FLNB: variants seen among roughly 807,000 people sequenced by gnomAD.
FLNB encodes filamin-B.
In FLNB, 111 loss-of-function variants were observed where a neutral mutation model predicts 250.6. The observed-to-expected ratio is 0.44, with a 90% CI of 0.38 to 0.52. The LOEUF is 0.52. FLNB is among the 20% of genes least tolerant of loss of function. FLNB has a pLI of 0.00. For missense variants in FLNB, 2,869 were observed against 3,447.8 expected, an observed-to-expected ratio of 0.83 and a Z score of 4.20; for synonymous variants, 1,302 against 1,372.1, an observed-to-expected ratio of 0.95 and a Z score of 1.13.
intron 20 of FLNB, 76 bp from the exon 21 acceptor site, chr3:58,123,017 T>C (rs2097291687): frequency 2.3e-6 from 3 of 1,315,746 alleles, no homozygotes; most frequent in Non-Finnish European, 3.3e-6. Context: ...ATGCTGATTA[T>C]ATGCATGGGT....
At position 58,156,031 on chromosome 3, in the gene FLNB, G is replaced by C; in HGVS notation, c.6844G>C (p.Ala2282Pro). 1.2e-6 allele frequency: 2 copies of C among 1,614,016 alleles called. No homozygotes were observed. Among genetic ancestry groups the C allele is most frequent in the Non-Finnish European group, 8.5e-7 (1 of 1,179,948 alleles). ...PESPYLVPVI[A>P]PSDDARRLTV... Reference sequence around the variant, plus strand: ...AAGCCCCTACCTGGTGCCGGTCATCGCACCCTCCGACGACGCCCGCCGCCT... The same window carrying C: ...AAGCCCCTACCTGGTGCCGGTCATCCCACCCTCCGACGACGCCCGCCGCCT... Residue 2282 changes from alanine (A) to proline (P), a missense_variant, in exon 41 of 46, where the codon GCA becomes CCA. Physicochemically the swap from Ala to Pro is conservative, Grantham distance 27. Coordinates refer to ENST00000295956, the MANE Select transcript of FLNB (RefSeq NM_001457.4).
At chr3:58,086,422 C>T (rs1043467188) in intron 4 of FLNB, among the ~76,000 whole-genome samples, 17 of 151,154 alleles carry the variant, frequency 1.1e-4, no homozygotes, top group African/African-American at 4.1e-4. Context: ...AACTGCCAAT[C>T]TCATTCCTGC....
At chr3:58,157,476 C>T (rs902512016) in intron 41 of FLNB, among the ~76,000 whole-genome samples, 12 of 152,202 alleles carry the variant, frequency 7.9e-5, no homozygotes, top group Admixed American at 6.5e-4. Flanking sequence ...CATTTAGAGA[C>T]GTAAACAGAA....
At chr3:58,083,019 A>G (rs2097211408) in intron 4 of FLNB, among the ~76,000 whole-genome samples, 1 of 152,216 alleles carries the variant, frequency 6.6e-6, no homozygotes, top group African/African-American at 2.4e-5. Flanking sequence ...AGAATAGGAT[A>G]TCCTCTAGCA....
At position 58,102,274 on chromosome 3, in the gene FLNB, A is replaced by G. The variant is rs753534124; in HGVS notation, c.1417A>G (p.Thr473Ala). Reference sequence around the variant, plus strand: ...CAAAGGCGTCCGTATCCGGGAGACCACAGATTTCAAGGTTGACACCAAAGC... The same window carrying G: ...CAAAGGCGTCCGTATCCGGGAGACCGCAGATTTCAAGGTTGACACCAAAGC... The part of the protein sequence containing the change: ...QPKGVRIRET[T>A]DFKVDTKAAG... The change falls in exon 9 of 46, where the codon ACA becomes GCA. Residue 473 changes from threonine (T) to alanine (A), a missense_variant. Thr to Ala is a moderately conservative substitution (Grantham distance 58, BLOSUM62 0). Transcript: ENST00000295956. 6.2e-7 allele frequency: 1 copy of G among 1,614,108 alleles called. No individual in the cohort carries two copies. Among genetic ancestry groups the G allele is most frequent in the African/African-American group, 1.3e-5 (1 of 74,940 alleles).
chr3:58,136,242 G>T (rs1575444775), intron 28 of FLNB, 74 bp downstream of exon 28: 1 of 1,471,322 alleles, frequency 6.8e-7, no homozygotes, highest in South Asian at 1.2e-5. Flanking sequence ...CCTTCTCTGT[G>T]ACTTACAAGC....
intron 24 of FLNB, among the ~76,000 whole-genome samples, chr3:58,127,639 A>G (rs888664539): frequency 2.1e-4 from 32 of 152,112 alleles, no homozygotes; most frequent in Non-Finnish European, 5.9e-5. Flanking sequence ...CTCCTTCCCC[A>G]TTCTTATTTG....
rs760847876 is a variant in FLNB, at chr3:58,123,275, A to T, written c.3309A>T (p.Lys1103Asn). 2 of 1,613,718 alleles carry T rather than the reference A, an allele frequency of 1.2e-6. No homozygotes were observed. The highest frequency in any genetic ancestry group is 1.7e-6 in the Non-Finnish European group (2 of 1,179,970). ...GTCSVSYLPTKPGEYFVNILF... is the reference protein window; with the variant it reads ...GTCSVSYLPTNPGEYFVNILF... ...GCTCCGTCTCTTACCTTCCCACAAAACCCGGGGAGTACTTCGTCAACATCC... is the reference window on the plus strand; with the variant it reads ...GCTCCGTCTCTTACCTTCCCACAAATCCCGGGGAGTACTTCGTCAACATCC... Residue 1103 changes from lysine to asparagine, a missense_variant, in exon 21 of 46, where the codon AAA (lysine) becomes AAT (asparagine). Physicochemically the swap from Lys to Asn is moderately conservative, Grantham distance 94 (BLOSUM62 0). Coordinates refer to ENST00000295956, the MANE Select transcript of FLNB (RefSeq NM_001457.4).
intron 1 of FLNB, among the ~76,000 whole-genome samples, chr3:58,070,323 C>T (rs1359180852): frequency 1.3e-5 from 2 of 152,086 alleles, no homozygotes; most frequent in Admixed American, 6.6e-5. Flanking sequence ...GGATTACAGG[C>T]GTGAGCCACT....
At position 58,142,600 on chromosome 3, in the gene FLNB, G is replaced by A; in HGVS notation, c.5182-50G>A. The A allele has an allele frequency of 6.7e-7, 1 of 1,493,604 alleles. No individual in the cohort carries two copies. The highest frequency in any genetic ancestry group is 9.3e-7 in the Non-Finnish European group (1 of 1,072,266). 92.5% of individuals were successfully genotyped at this position (1,493,604 alleles called of 1,614,324 possible). A position where few individuals can be genotyped will look rare whatever the true frequency, so the allele number is the denominator to read the frequency against. ...AGCTCTAACCCCTGTAGCTTCACCA[G>A]CTCCCGCTGTTGTCTGCTTTACCCA... is the stretch of plus-strand genomic sequence containing the variant. On this transcript the variant is annotated intron_variant, in intron 30 of 45. Transcript: ENST00000295956. The surrounding 1 kb of genome is among the most constrained non-coding windows in gnomAD (Gnocchi z 4.3).
rs2097269281 is a variant in FLNB, at chr3:58,111,888, T to C, written c.2575+7T>C. ...CCAGGGCTCAGCAAAGCAGGTAAGA[T>C]GGCACGTCTAGGTTGTCCTGGGCCC... On this transcript the variant is annotated splice_region_variant and intron_variant, in intron 17 of 45. Transcript: ENST00000295956. 6.2e-7 allele frequency: 1 copy of C among 1,612,134 alleles called. No homozygotes were observed. Among genetic ancestry groups the C allele is most frequent in the Non-Finnish European group, 8.5e-7 (1 of 1,178,196 alleles).
rs1199195094 is a variant in FLNB at position 58,169,830 on chromosome 3, A to G, written c.7621+37A>G. The G allele has an allele frequency of 2.6e-4, 176 of 671,912 alleles. No homozygotes were observed. Among genetic ancestry groups the G allele is most frequent in the Non-Finnish European group, 4.2e-4 (155 of 369,902 alleles). 41.6% of individuals were successfully genotyped at this position (671,912 alleles called of 1,614,324 possible). A position where few individuals can be genotyped will look rare whatever the true frequency, so the allele number is the denominator to read the frequency against. On this transcript the variant is annotated intron_variant, in intron 45 of 45. Coordinates refer to ENST00000295956, the MANE Select transcript of FLNB (RefSeq NM_001457.4). The surrounding 1 kb of genome is among the most constrained non-coding windows in gnomAD (Gnocchi z 4.8). Reference sequence around the variant, plus strand: ...GGCCTTTTCAAGGGTGGGGTGGGGCAGGGGCAGGCTGGGCACCCTGGGTAC... The same window carrying G: ...GGCCTTTTCAAGGGTGGGGTGGGGCGGGGGCAGGCTGGGCACCCTGGGTAC...
chr3:58,028,291 C>T (rs1382091018), intron 1 of FLNB, among the ~76,000 whole-genome samples: 4 of 152,050 alleles, frequency 2.6e-5, no homozygotes, highest in Admixed American at 6.6e-5. Context: ...TGAATACAAA[C>T]GAAGATCGAA....
chr3:58,064,450 C>T (rs1006936253), intron 1 of FLNB, among the ~76,000 whole-genome samples: 1 of 152,130 alleles, frequency 6.6e-6, no homozygotes, highest in Non-Finnish European at 1.5e-5. Context: ...GCATGAGCCA[C>T]AGCACCTGGC....
intron 3 of FLNB, among the ~76,000 whole-genome samples, chr3:58,079,867 T>C (rs2097206804): frequency 1.3e-5 from 2 of 152,148 alleles, no homozygotes; most frequent in African/African-American, 2.4e-5. Context: ...ATAGGCTGCA[T>C]TGAGGTCTGA....
intron 1 of FLNB, among the ~76,000 whole-genome samples, chr3:58,060,822 A>G (rs1370825694): frequency 6.6e-6 from 1 of 151,426 alleles, no homozygotes; most frequent in Non-Finnish European, 1.5e-5. Context: ...AGAAAAGAAA[A>G]GAAAAGAAAA....
chr3:58,133,659 C>CAA (rs199648160), intron 26 of FLNB, among the ~76,000 whole-genome samples: 17 of 150,188 alleles, frequency 1.1e-4, no homozygotes, highest in Admixed American at 3.3e-4. Flanking sequence ...GATATTAATA[C>CAA]AAAAAAAAAT....
intron 1 of FLNB, among the ~76,000 whole-genome samples, chr3:58,048,393 G>C (rs7647150): frequency 1.2e-4 from 18 of 152,196 alleles, no homozygotes; most frequent in African/African-American, 3.1e-4. Flanking sequence ...CCAGCATCCC[G>C]GTGATGCCAG....
intron 1 of FLNB, among the ~76,000 whole-genome samples, chr3:58,009,835 A>G (rs887551875): frequency 1.3e-5 from 2 of 152,086 alleles, no homozygotes; most frequent in Admixed American, 1.3e-4. Flanking sequence ...CTCTTGCTGG[A>G]CTGGGCCTTC....
Sources: allele counts gnomAD v4.1 joint callset (sites outside exome capture counted in the v4.1 genomes callset), GRCh38; gene constraint gnomAD v4.1.1; non-coding constraint Gnocchi (gnomAD v3.1); transcripts MANE v1.5; gene names NCBI Gene and HGNC (gene_info 2026-07-23, HGNC 2026-07-21).